The following C12orf42 variants were observed in gnomAD, a reference collection of about 807,000 sequenced individuals.
C12orf42 encodes the protein uncharacterized protein C12orf42.
A neutral mutation model predicts 21.6 loss-of-function variants in C12orf42; 25 were observed. The ratio of observed to expected loss-of-function variants is 1.16; its 90% confidence interval spans 0.84 to 1.62. The LOEUF (loss-of-function observed/expected upper bound fraction) is 1.62, where lower values mean the gene tolerates loss of function less well. Ranked by LOEUF, C12orf42 falls within the 40% of genes most tolerant of loss-of-function variation. The pLI is 0.00. For synonymous variants in C12orf42, 174 were observed against 175.0 expected (o/e 0.99, Z 0.05); for missense variants, 483 against 459.3 (o/e 1.05, Z -0.47).
At chr12:103,291,105 C>A (rs2036788765) in intron 4 of C12orf42, among the ~76,000 whole-genome samples, 1 of 152,258 alleles carries the variant, frequency 6.6e-6, no homozygotes, top group South Asian at 2.1e-4. Flanking sequence ...TATATTTAAA[C>A]AGCAAACTTT....
chr12:103,426,868 A>T (rs1382826501), intron 2 of C12orf42, among the ~76,000 whole-genome samples: 1 of 152,240 alleles, frequency 6.6e-6, no homozygotes, highest in East Asian at 1.9e-4. Flanking sequence ...AAGCTTCATA[A>T]GTGAAGGAGA....
the C12orf42 span, among the ~76,000 whole-genome samples, chr12:103,512,484 T>C: frequency 6.6e-6 from 1 of 152,206 alleles, no homozygotes; most frequent in Non-Finnish European, 1.5e-5. Context: ...TTCTGACACA[T>C]AGAAATGATA....
the C12orf42 span, among the ~76,000 whole-genome samples, chr12:103,223,213 G>A: frequency 6.6e-6 from 1 of 152,146 alleles, no homozygotes; most frequent in Non-Finnish European, 1.5e-5. Context: ...GGTATGGAGA[G>A]AGAATGGGCG....
At chr12:103,153,141 T>C in the C12orf42 span, among the ~76,000 whole-genome samples, 8 of 152,182 alleles carry the variant, frequency 5.3e-5, no homozygotes, top group Non-Finnish European at 1.0e-4. Flanking sequence ...AAATGTGTCC[T>C]AACTCTTACT....
At chr12:103,403,985 A>G (rs1033074741) in intron 2 of C12orf42, among the ~76,000 whole-genome samples, 1 of 152,184 alleles carries the variant, frequency 6.6e-6, no homozygotes, top group Non-Finnish European at 1.5e-5. Flanking sequence ...TGCAAAAACA[A>G]TACCTCTTAG....
the C12orf42 span, among the ~76,000 whole-genome samples, chr12:103,519,658 C>T: frequency 7.2e-5 from 11 of 152,054 alleles, no homozygotes; most frequent in African/African-American, 2.4e-4. Context: ...AGAACATGGC[C>T]TTGTGCTTTA....
chr12:103,087,210 CCTGA>C, the C12orf42 span, among the ~76,000 whole-genome samples: 1 of 152,074 alleles, frequency 6.6e-6, no homozygotes, highest in Non-Finnish European at 1.5e-5. Flanking sequence ...TTCCTAAGAT[CCTGA>C]CTGTCACATA....
At chr12:103,463,722 C>T (rs1952899534) in intron 2 of C12orf42, among the ~76,000 whole-genome samples, 1 of 152,166 alleles carries the variant, frequency 6.6e-6, no homozygotes, top group Non-Finnish European at 1.5e-5. Context: ...CATGCATTAA[C>T]TATTTGCTCT....
intron 5 of C12orf42, among the ~76,000 whole-genome samples, chr12:103,271,171 G>A (rs990476501): frequency 2.6e-5 from 4 of 152,060 alleles, no homozygotes; most frequent in African/African-American, 9.7e-5. Context: ...GGCCTCCTCT[G>A]GATTTCAGGT....
chr12:103,394,561 C>A (rs558943691), intron 3 of C12orf42, among the ~76,000 whole-genome samples: 37 of 152,334 alleles, frequency 2.4e-4, no homozygotes, highest in African/African-American at 8.9e-4. Context: ...TAACTATAAT[C>A]GCTGATTTGG....
intron 2 of C12orf42, among the ~76,000 whole-genome samples, chr12:103,449,696 A>T (rs1271239772): frequency 6.6e-6 from 1 of 151,854 alleles, no homozygotes; most frequent in African/African-American, 2.4e-5. Context: ...CTTGATATCT[A>T]ATAAGGCAAT....
At chr12:103,230,455 T>C in the C12orf42 span, among the ~76,000 whole-genome samples, 1 of 152,206 alleles carries the variant, frequency 6.6e-6, no homozygotes, top group Non-Finnish European at 1.5e-5. Flanking sequence ...CCTTCATCTT[T>C]GCCATAGTCT....
chr12:103,504,037 T>C, the C12orf42 span: 1 of 152,602 alleles, frequency 6.6e-6, no homozygotes. Context: ...CTTTTTGCCA[T>C]TACTTCTAAT....
At chr12:103,244,158 G>A (rs1322531406) in intron 10 of C12orf42, among the ~76,000 whole-genome samples, 1 of 152,074 alleles carries the variant, frequency 6.6e-6, no homozygotes, top group African/African-American at 2.4e-5. Flanking sequence ...AAAACATTCA[G>A]CCACCTGGAT....
At chr12:103,398,773 C>A (rs1324980808) in intron 3 of C12orf42, among the ~76,000 whole-genome samples, 1 of 152,038 alleles carries the variant, frequency 6.6e-6, no homozygotes, top group East Asian at 1.9e-4. Flanking sequence ...TATCTAATAT[C>A]CTTTCTTTTG....
At chr12:103,220,392 T>C in the C12orf42 span, among the ~76,000 whole-genome samples, 4 of 151,996 alleles carry the variant, frequency 2.6e-5, no homozygotes, top group Non-Finnish European at 5.9e-5. Flanking sequence ...ACTGTAAGTA[T>C]AATAAAAAAA....
At chr12:103,440,314 C>T (rs1025777882) in intron 2 of C12orf42, among the ~76,000 whole-genome samples, 3 of 139,902 alleles carry the variant, frequency 2.1e-5, no homozygotes, top group African/African-American at 7.9e-5. Flanking sequence ...TGCTAGATGA[C>T]GAGTTAGTGG....
chr12:103,088,796 G>C, the C12orf42 span, among the ~76,000 whole-genome samples: 7 of 152,168 alleles, frequency 4.6e-5, no homozygotes, highest in Non-Finnish European at 8.8e-5. Flanking sequence ...AGAGATCCGT[G>C]CAGTGAGAGT....
chr12:103,324,003 A>G (rs1406294411), intron 4 of C12orf42, among the ~76,000 whole-genome samples: 2 of 152,202 alleles, frequency 1.3e-5, no homozygotes, highest in African/African-American at 4.8e-5. Flanking sequence ...TTTGGTGTTC[A>G]CACTGATTTT....
Sources: gnomAD v4.1 joint callset for allele counts (sites outside exome capture counted in the v4.1 genomes callset) on GRCh38, gnomAD v4.1.1 for gene constraint, MANE v1.5 for transcripts, NCBI Gene and HGNC (gene_info 2026-07-23, HGNC 2026-07-21) for gene names.